SLC12A1: variants seen among roughly 807,000 people sequenced by gnomAD.
SLC12A1 encodes Na-K-2Cl cotransporter.
SLC12A1 carries 89 observed loss-of-function variants against 130.4 expected under a neutral mutation model. The observed-to-expected ratio is 0.68, with a 90% CI of 0.58 to 0.81. The LOEUF is 0.81. SLC12A1 is among the 40% of genes least tolerant of loss of function. SLC12A1 has a pLI of 0.00. For synonymous variants in SLC12A1, 499 were observed against 460.0 expected (o/e 1.08, Z -1.09); for missense variants, 1,310 against 1,336.4 (o/e 0.98, Z 0.31).
intron 20 of SLC12A1, among the ~76,000 whole-genome samples, chr15:48,278,921 C>T (rs563009374): frequency 1.3e-5 from 2 of 152,292 alleles, no homozygotes; most frequent in Admixed American, 1.3e-4. Context: ...CTCAAATAAT[C>T]CTGGCAGTGA....
chr15:48,280,786 T>C (rs987745898), intron 20 of SLC12A1, among the ~76,000 whole-genome samples: 6 of 152,028 alleles, frequency 3.9e-5, no homozygotes, highest in Non-Finnish European at 1.5e-5. Flanking sequence ...TTATATAACT[T>C]TGTATACGGT....
chr15:48,260,798 A>G (rs1368950683), intron 17 of SLC12A1, among the ~76,000 whole-genome samples: 1 of 152,216 alleles, frequency 6.6e-6, no homozygotes, highest in Non-Finnish European at 1.5e-5. Context: ...CTCTGCCATG[A>G]TGCTGGGGGC....
At chr15:48,245,214 T>G (rs1454525952) in intron 11 of SLC12A1, among the ~76,000 whole-genome samples, 2 of 152,240 alleles carry the variant, frequency 1.3e-5, no homozygotes, top group Admixed American at 1.3e-4. Context: ...CTAGATTAGT[T>G]AGCACTTGTT....
intron 17 of SLC12A1, among the ~76,000 whole-genome samples, chr15:48,259,958 G>A (rs990686392): frequency 6.6e-6 from 1 of 152,100 alleles, no homozygotes; most frequent in Non-Finnish European, 1.5e-5. Context: ...TGTGGAGAAA[G>A]CATTAAAATA....
At chr15:48,255,944 T>C in intron 16 of SLC12A1, 34 bp downstream of exon 16, 5 of 1,348,294 alleles carry the variant, frequency 3.7e-6, no homozygotes, top group Non-Finnish European at 5.2e-6. Flanking sequence ...CTGGTGTTTT[T>C]CCACCCTAGA....
chr15:48,281,812 G>A (rs2042010740), intron 20 of SLC12A1, among the ~76,000 whole-genome samples: 3 of 152,194 alleles, frequency 2.0e-5, no homozygotes, highest in Non-Finnish European at 4.4e-5. Context: ...CAGGCTAGTG[G>A]AAATCAACTT....
intron 9 of SLC12A1, among the ~76,000 whole-genome samples, chr15:48,238,779 C>T (rs2041467997): frequency 6.6e-6 from 1 of 152,164 alleles, no homozygotes; most frequent in African/African-American, 2.4e-5. Flanking sequence ...GCCTCAGAAT[C>T]CTCCTCTGGA....
Position 48,232,963 on chromosome 15 carries a change from C to T in SLC12A1, c.1087+125C>T, listed in dbSNP as rs545310396. 2.6e-4 allele frequency: 167 copies of T among 651,750 alleles called. No individual in the cohort carries two copies. In the African/African-American group the frequency reaches 2.6e-3, roughly 10 times the overall value. The allele number at this position is 651,750 out of a possible 1,614,324, so 40.4% of individuals were successfully genotyped here. Reference sequence around the variant, plus strand: ...TCCCCTTTCAAGTTACTTGTGGATGCGGAAGCCCAAAAGAAATGGGAAGTA... The same window carrying T: ...TCCCCTTTCAAGTTACTTGTGGATGTGGAAGCCCAAAAGAAATGGGAAGTA... On this transcript the variant is annotated intron_variant, in intron 8 of 26. Coordinates refer to ENST00000380993, the MANE Select transcript of SLC12A1 (RefSeq NM_000338.3).
At chr15:48,210,002 G>A (rs1362675324) in intron 2 of SLC12A1, among the ~76,000 whole-genome samples, 2 of 152,136 alleles carry the variant, frequency 1.3e-5, no homozygotes, top group African/African-American at 2.4e-5. Flanking sequence ...AGACAACATG[G>A]TAGCCCCCAT....
chr15:48,261,675 A>T (rs1363350488), intron 17 of SLC12A1, among the ~76,000 whole-genome samples: 4 of 152,156 alleles, frequency 2.6e-5, no homozygotes, highest in Non-Finnish European at 5.9e-5. Context: ...GCCATTAGAA[A>T]TTTTTTTCCA....
chr15:48,264,249 AC>A (rs1464310632), intron 17 of SLC12A1, among the ~76,000 whole-genome samples: 21 of 152,232 alleles, frequency 1.4e-4, no homozygotes, highest in Admixed American at 1.2e-3. Context: ...CGGCTCTTAG[AC>A]TTTTACCCTG....
intron 7 of SLC12A1, among the ~76,000 whole-genome samples, chr15:48,231,799 C>T (rs1490875821): frequency 6.6e-6 from 1 of 152,070 alleles, no homozygotes; most frequent in African/African-American, 2.4e-5. Flanking sequence ...GGGCAGATCA[C>T]GAGGTCAGGA....
intron 4 of SLC12A1, chr15:48,226,052 T>A (rs2041281768): frequency 8.3e-6 from 2 of 240,326 alleles, no homozygotes; most frequent in Non-Finnish European, 1.4e-5. Flanking sequence ...GTAATGCAAG[T>A]TGGTTTCTTT....
intron 20 of SLC12A1, among the ~76,000 whole-genome samples, chr15:48,281,545 GGAGAAGA>G (rs768266694): frequency 5.3e-5 from 8 of 152,186 alleles, no homozygotes; most frequent in Non-Finnish European, 1.0e-4. Flanking sequence ...TATCACTGAA[GGAGAAGA>G]GAGAAGAGGG....
intron 24 of SLC12A1, among the ~76,000 whole-genome samples, chr15:48,296,663 A>G (rs1027484983): frequency 6.6e-6 from 1 of 152,248 alleles, no homozygotes; most frequent in Non-Finnish European, 1.5e-5. Flanking sequence ...AACAAGGATG[A>G]GGAAGGCAGC....
At chr15:48,220,295 C>T (rs138577109) in intron 2 of SLC12A1, among the ~76,000 whole-genome samples, 62 of 152,190 alleles carry the variant, frequency 4.1e-4, no homozygotes, top group African/African-American at 1.4e-3. Flanking sequence ...TTTACTCTGG[C>T]TGTCCCTTCC....
chr15:48,240,861 T>C (rs951636807), intron 9 of SLC12A1, among the ~76,000 whole-genome samples: 1 of 152,200 alleles, frequency 6.6e-6, no homozygotes, highest in African/African-American at 2.4e-5. Flanking sequence ...AAATTAAGTA[T>C]GATGTGAACT....
chr15:48,296,256 T>A (rs2042176705), intron 24 of SLC12A1, among the ~76,000 whole-genome samples: 1 of 152,220 alleles, frequency 6.6e-6, no homozygotes, highest in Non-Finnish European at 1.5e-5. Context: ...CAAATTGCCT[T>A]TAATAAATCT....
intron 9 of SLC12A1, among the ~76,000 whole-genome samples, chr15:48,237,757 A>T (rs1294382499): frequency 1.3e-5 from 2 of 152,224 alleles, no homozygotes; most frequent in Non-Finnish European, 2.9e-5. Flanking sequence ...TTTGGATATT[A>T]TCCCCAAACT....
Sources: gnomAD v4.1 joint callset for allele counts (sites outside exome capture counted in the v4.1 genomes callset) on GRCh38, gnomAD v4.1.1 for gene constraint, MANE v1.5 for transcripts, NCBI Gene and HGNC (gene_info 2026-07-23, HGNC 2026-07-21) for gene names.